Variants in TEKT5 observed in about 807,000 individuals in gnomAD.
TEKT5 encodes tektin 5.
Under a neutral mutation model 48.7 loss-of-function variants are expected in TEKT5, and 52 were observed. The ratio of observed to expected loss-of-function variants is 1.07; its 90% confidence interval spans 0.86 to 1.35. The LOEUF (loss-of-function observed/expected upper bound fraction) is 1.35. Among genes scored for constraint, TEKT5 ranks in the 40% most tolerant of loss-of-function variants. The pLI is 0.00. For synonymous variants in TEKT5, 318 were observed against 267.6 expected, an observed-to-expected ratio of 1.19 and a Z score of -1.84; for missense variants, 831 against 641.6, an observed-to-expected ratio of 1.30 and a Z score of -3.19.
At chr16:10,643,972 G>A (rs943408288) in intron 5 of TEKT5, among the ~76,000 whole-genome samples, 2 of 152,124 alleles carry the variant, frequency 1.3e-5, no homozygotes, top group Admixed American at 6.5e-5. Flanking sequence ...AACCCGGGAG[G>A]AGGAGGTTGC....
chr16:10,648,445 G>A (rs1898103333), intron 5 of TEKT5, among the ~76,000 whole-genome samples: 1 of 152,062 alleles, frequency 6.6e-6, no homozygotes, highest in Admixed American at 6.6e-5. Context: ...AGCCTCCTGA[G>A]TAGCTGGGAC....
intron 5 of TEKT5, among the ~76,000 whole-genome samples, chr16:10,650,205 T>G (rs1898132898): frequency 1.3e-5 from 2 of 151,852 alleles, no homozygotes; most frequent in African/African-American, 4.8e-5. Flanking sequence ...TACAGGTGTG[T>G]GCGACAAGTA....
chr16:10,643,366 G>A (rs529318437), intron 5 of TEKT5, among the ~76,000 whole-genome samples: 181 of 151,676 alleles, frequency 1.2e-3, no homozygotes, highest in African/African-American at 4.0e-3. Flanking sequence ...GCGACAGAGC[G>A]AGACTCCGTC....
chr16:10,652,786 ACAC>A (rs1310817936), intron 5 of TEKT5, among the ~76,000 whole-genome samples: 12 of 124,644 alleles, frequency 9.6e-5, no homozygotes, highest in Non-Finnish European at 1.8e-4. Context: ...ACACACACAC[ACAC>A]ACACACCCTC....
At chr16:10,672,810 C>T (rs1451304703) in intron 5 of TEKT5, among the ~76,000 whole-genome samples, 1 of 151,774 alleles carries the variant, frequency 6.6e-6, no homozygotes, top group African/African-American at 2.4e-5. Context: ...GTTATGCCTG[C>T]ATTAACTCAA....
chr16:10,641,826 A>G lies in TEKT5; in HGVS notation c.1087-5908T>C, dbSNP rs73507973. ...GACAGAGTGAGACACTGTCTAATAA[A>G]TAAATAATCACATGAAAGGAGGAGA... On this transcript the variant is annotated intron_variant, in intron 5 of 6. Coordinates refer to ENST00000283025, the MANE Select transcript of TEKT5 (RefSeq NM_144674.2). Among the ~76,000 whole-genome samples, 792 of 152,314 alleles carry G rather than the reference A, an allele frequency of 5.2e-3. 9 individuals are homozygous for G. The highest frequency in any genetic ancestry group is 0.018 in the African/African-American group (759 of 41,566).
At chr16:10,643,350 G>A (rs905303705) in intron 5 of TEKT5, among the ~76,000 whole-genome samples, 2 of 151,908 alleles carry the variant, frequency 1.3e-5, no homozygotes, top group Non-Finnish European at 2.9e-5. Flanking sequence ...TTGCACTGCA[G>A]GCTGGGCGAC....
intron 5 of TEKT5, among the ~76,000 whole-genome samples, chr16:10,638,169 A>G (rs897164614): frequency 6.6e-6 from 1 of 152,304 alleles, no homozygotes; most frequent in Non-Finnish European, 1.5e-5. Flanking sequence ...CACAACAAAA[A>G]ATAAAAGAAC....
chr16:10,672,927 G>A (rs2719703), intron 5 of TEKT5, among the ~76,000 whole-genome samples: 64,425 of 150,878 alleles, frequency 0.43, 15,496 homozygotes, highest in East Asian at 0.82. Flanking sequence ...TGCAATCACA[G>A]CTCACTGCAG....
At chr16:10,656,516 G>C (rs571341451) in intron 5 of TEKT5, among the ~76,000 whole-genome samples, 3 of 152,016 alleles carry the variant, frequency 2.0e-5, no homozygotes, top group East Asian at 1.9e-4. Flanking sequence ...GCCTCCCAAA[G>C]TGCTGAGATG....
chr16:10,671,418 A>C (rs2142296325), intron 5 of TEKT5, among the ~76,000 whole-genome samples: 1 of 152,360 alleles, frequency 6.6e-6, no homozygotes, highest in East Asian at 1.9e-4. Context: ...GATAAAGAAA[A>C]CGTGGTATAG....
At chr16:10,668,085 G>A (rs1342686864) in intron 5 of TEKT5, among the ~76,000 whole-genome samples, 1 of 152,094 alleles carries the variant, frequency 6.6e-6, no homozygotes, top group African/African-American at 2.4e-5. Flanking sequence ...CACCATGTTG[G>A]CCAGGCTTAT....
At position 10,657,589 on chromosome 16, in the gene TEKT5, ATT is replaced by A. The variant is rs57853009; in HGVS notation, c.1086+18368_1086+18369del. ...TTGTAGAAAAGTCATTCCCCTTTCA[ATT>A]TTTTTTTTTTTTCCCTGAGATGGAG... On this transcript the variant is annotated intron_variant, in intron 5 of 6. Coordinates refer to ENST00000283025, the MANE Select transcript of TEKT5 (RefSeq NM_144674.2). Among the ~76,000 whole-genome samples the A allele has an allele frequency of 2.0e-3, 284 of 141,820 alleles. 4 individuals carry two copies. Among genetic ancestry groups the A allele is most frequent in the African/African-American group, 7.1e-3 (277 of 38,934 alleles). 93.0% of individuals were successfully genotyped at this position (141,820 alleles called of 152,430 possible).
chr16:10,655,674 A>T (rs1044519333), intron 5 of TEKT5, among the ~76,000 whole-genome samples: 4 of 152,158 alleles, frequency 2.6e-5, no homozygotes, highest in African/African-American at 9.7e-5. Context: ...ACTCTTGGGA[A>T]GTCTCTTTTA....
intron 3 of TEKT5, among the ~76,000 whole-genome samples, chr16:10,686,722 T>C (rs1898867575): frequency 6.6e-6 from 1 of 152,128 alleles, no homozygotes; most frequent in Admixed American, 6.5e-5. Context: ...GGGGTTACTA[T>C]CCAAAATATG....
chr16:10,689,964 T>A lies in TEKT5; in HGVS notation c.626A>T (p.Asn209Ile). The change falls in exon 2 of 7, where the codon AAC becomes ATC. Residue 209 changes from asparagine to isoleucine, a missense_variant. Physicochemically the swap from Asn to Ile is moderately radical, Grantham distance 149. Transcript: ENST00000283025. ...KRIGIDLVHDNVEKNLIREVD... is the reference protein window; with the variant it reads ...KRIGIDLVHDIVEKNLIREVD... ...TACCCGGATAAGGTTTTTCTCCACG[T>A]TGTCATGGACCAAATCAATCCCAAT... 6.2e-7 allele frequency: 1 copy of A among 1,614,068 alleles called. No individual in the cohort carries two copies. Among genetic ancestry groups the A allele is most frequent in the East Asian group, 2.2e-5 (1 of 44,882 alleles).
chr16:10,679,416 C>T (rs1898705377), intron 4 of TEKT5, among the ~76,000 whole-genome samples: 1 of 150,264 alleles, frequency 6.7e-6, no homozygotes, highest in Non-Finnish European at 1.5e-5. Flanking sequence ...GAGATTGTGC[C>T]ACTGCGCTCT....
At chr16:10,630,529 A>G (rs1366756790) in intron 6 of TEKT5, among the ~76,000 whole-genome samples, 2 of 152,186 alleles carry the variant, frequency 1.3e-5, no homozygotes, top group Non-Finnish European at 1.5e-5. Context: ...GAGAAGAAAG[A>G]TAAGACTTAG....
rs775435448 is a variant in TEKT5 at position 10,694,792 on chromosome 16, G to T, written c.82C>A (p.Gln28Lys). 1.2e-6 allele frequency: 2 copies of T among 1,613,052 alleles called. No homozygotes were observed. The highest frequency in any genetic ancestry group is 2.7e-5 in the African/African-American group (2 of 74,908). The change falls in exon 1 of 7, where the codon CAG becomes AAG. Residue 28 changes from glutamine to lysine, a missense_variant. Physicochemically the swap from Gln to Lys is moderately conservative, Grantham distance 53. Transcript: ENST00000283025. ...CCGLTSLPAV[Q>K]APVIQECYQP... ...TAGCATTCCTGGATCACTGGCGCCT[G>T]TACAGCTGGCAGTGAGGTCAAGCCA...
Sources: allele counts gnomAD v4.1 joint callset (sites outside exome capture counted in the v4.1 genomes callset), GRCh38; gene constraint gnomAD v4.1.1; transcripts MANE v1.5; gene names NCBI Gene and HGNC (gene_info 2026-07-23, HGNC 2026-07-21).